GABRB3: variants seen among roughly 807,000 people sequenced by gnomAD.
GABRB3 encodes gamma-aminobutyric acid receptor subunit beta-3.
Under a neutral mutation model 52.1 loss-of-function variants are expected in GABRB3, and 14 were observed. The ratio of observed to expected loss-of-function variants is 0.27; its 90% confidence interval spans 0.18 to 0.42. The LOEUF (loss-of-function observed/expected upper bound fraction) is 0.42. Among genes scored for constraint, GABRB3 ranks in the 10% least tolerant of loss-of-function variants. The pLI is 1.00. For missense variants in GABRB3, 307 were observed against 609.1 expected (o/e 0.50, Z 5.22); for synonymous variants, 260 against 232.3 (o/e 1.12, Z -1.08).
chr15:26,739,973 G>A lies in GABRB3; in HGVS notation c.240+32429C>T, dbSNP rs147052051. Among the ~76,000 whole-genome samples the A allele has an allele frequency of 3.9e-4, 60 of 152,256 alleles. 2 individuals carry two copies. The East Asian group carries it at 0.01, about 27-fold the overall frequency. On this transcript the variant is annotated intron_variant, in intron 3 of 8. Coordinates refer to ENST00000311550, the MANE Select transcript of GABRB3 (RefSeq NM_000814.6). ...AACAGAGACCTTTCCACTTCCTGCC[G>A]TGACACCTGCACGAGCCGCTCATTT...
chr15:26,726,343 A>G (rs1184578498), intron 3 of GABRB3, among the ~76,000 whole-genome samples: 1 of 152,226 alleles, frequency 6.6e-6, no homozygotes, highest in African/African-American at 2.4e-5. Flanking sequence ...AACATCTTAC[A>G]TAACTGCAGT....
At chr15:26,742,283 C>T (rs1890227754) in intron 3 of GABRB3, among the ~76,000 whole-genome samples, 1 of 151,758 alleles carries the variant, frequency 6.6e-6, no homozygotes, top group African/African-American at 2.4e-5. Context: ...TTTTACTGCA[C>T]TGGATCTTTA....
chr15:26,711,175 G>A (rs963824369), intron 3 of GABRB3, among the ~76,000 whole-genome samples: 4 of 152,168 alleles, frequency 2.6e-5, no homozygotes, highest in Non-Finnish European at 4.4e-5. Flanking sequence ...ATATTAATGA[G>A]GAAAGGCCAG....
intron 3 of GABRB3, among the ~76,000 whole-genome samples, chr15:26,715,847 T>C: frequency 6.6e-6 from 1 of 152,204 alleles, no homozygotes; most frequent in Admixed American, 6.5e-5. Context: ...ATGGGCCTTC[T>C]TTATTGCAAC....
intron 4 of GABRB3, among the ~76,000 whole-genome samples, chr15:26,606,478 A>G (rs959088694): frequency 2.0e-5 from 3 of 152,152 alleles, no homozygotes; most frequent in Middle Eastern, 3.2e-3. Flanking sequence ...TATTCTCAAC[A>G]TATTAGGAAT....
At chr15:26,773,211 C>A (rs1891208788), upstream of GABRB3, 1 of 177,692 alleles carries the variant, frequency 5.6e-6, no homozygotes, top group Non-Finnish European at 1.1e-5. Flanking sequence ...GCCGCCGCGC[C>A]GCGCACCCTG....
intron 3 of GABRB3, among the ~76,000 whole-genome samples, chr15:26,662,567 T>A (rs1887583747): frequency 6.6e-6 from 1 of 152,210 alleles, no homozygotes; most frequent in African/African-American, 2.4e-5. Flanking sequence ...TGCAGCTCCA[T>A]GCCACGGTGC....
chr15:26,744,588 G>A (rs919121227), intron 3 of GABRB3, among the ~76,000 whole-genome samples: 34 of 152,122 alleles, frequency 2.2e-4, no homozygotes, highest in African/African-American at 7.5e-4. Flanking sequence ...ACCATGCCTG[G>A]CTAATTTTTG....
chr15:26,700,192 G>C (rs906608306), intron 3 of GABRB3, among the ~76,000 whole-genome samples: 1 of 152,086 alleles, frequency 6.6e-6, no homozygotes, highest in African/African-American at 2.4e-5. Flanking sequence ...ATGTCAAAAA[G>C]AAAACTAAGG....
chr15:26,742,991 A>G (rs889485247), intron 3 of GABRB3, among the ~76,000 whole-genome samples: 1 of 118,606 alleles, frequency 8.4e-6, no homozygotes, highest in Non-Finnish European at 1.6e-5. Flanking sequence ...GTGCAGTTGT[A>G]GGATCTCAGC....
rs1892490858 is a variant in GABRB3, at chr15:26,621,686, C to T, written c.241-152G>A. On this transcript the variant is annotated intron_variant, in intron 3 of 8. Transcript: ENST00000311550. This position sits in a 1 kb window ranked among gnomAD's most constrained non-coding sequence, Gnocchi z 4.1. ...TTTTATGCAGAATGGGAAGCAATGG[C>T]TGCTTTCTTGTGAATGCAAATACCA... is the stretch of plus-strand genomic sequence containing the variant. 3 of 653,564 alleles carry T rather than the reference C, an allele frequency of 4.6e-6. No individual in the cohort carries two copies. The highest frequency in any genetic ancestry group is 2.5e-5 in the Admixed American group (1 of 39,822). The allele number at this position is 653,564 out of a possible 1,614,324, so 40.5% of individuals were successfully genotyped here.
intron 8 of GABRB3, among the ~76,000 whole-genome samples, chr15:26,548,357 T>G (rs1279816143): frequency 6.6e-6 from 1 of 152,150 alleles, no homozygotes; most frequent in South Asian, 2.1e-4. Context: ...TGTAAGAGAT[T>G]AGATGAAATA....
Position 26,572,290 on chromosome 15 carries a change from T to C in GABRB3, c.683-4557A>G, listed in dbSNP as rs148947908. Among the ~76,000 whole-genome samples the C allele has an allele frequency of 1.9e-3, 289 of 152,288 alleles. 7 individuals carry two copies. The East Asian group carries it at 0.038, about 20-fold the overall frequency. ...GTGCACTATCCTGGAGGTATAAAAA[T>C]ATGCTAGGGCACACGCCTAAGTGAT... On this transcript the variant is annotated intron_variant, in intron 6 of 8. Coordinates refer to ENST00000311550, the MANE Select transcript of GABRB3 (RefSeq NM_000814.6).
chr15:26,772,758 C>T lies in GABRB3; in HGVS notation c.95G>A (p.Gly32Glu), dbSNP rs1891187935. The T allele has an allele frequency of 6.4e-7, 1 of 1,562,348 alleles. No homozygotes were observed. Among genetic ancestry groups the T allele is most frequent in the Non-Finnish European group, 8.7e-7 (1 of 1,153,378 alleles). ...CGTCTCCTTCACAAAGGACATGTTC[C>T]CGGGATCGTTCACACTGGGGGAGGG... ...VCCAQSVNDP[G>E]NMSFVKETVD... is the part of the protein sequence containing the mutation. Residue 32 changes from glycine to glutamate, a missense_variant, in exon 2 of 9, where the codon GGG becomes GAG. By Grantham distance (98) the Gly-to-Glu change is moderately conservative. Around this residue, in one of 6 missense-constraint regions of GABRB3, gnomAD observed 90 missense variants for 86.4 expected, o/e 1.04. Transcript: ENST00000311550.
chr15:26,589,734 C>T lies in GABRB3; in HGVS notation c.462-6320G>A, dbSNP rs1222740247. Among the ~76,000 whole-genome samples, 5 of 152,178 alleles carry T rather than the reference C, an allele frequency of 3.3e-5. No homozygotes were observed. The East Asian group carries it at 9.6e-4, about 29-fold the overall frequency. On this transcript the variant is annotated intron_variant, in intron 4 of 8. Coordinates refer to ENST00000311550, the MANE Select transcript of GABRB3 (RefSeq NM_000814.6). Reference sequence around the variant, plus strand: ...CCCAGGTGAGCCCACAAGAGCAGGACTTTATTGCTCCTGTCCACGGTTCTC... The same window carrying T: ...CCCAGGTGAGCCCACAAGAGCAGGATTTTATTGCTCCTGTCCACGGTTCTC...
intron 3 of GABRB3, among the ~76,000 whole-genome samples, chr15:26,715,719 T>C (rs1187800965): frequency 6.6e-6 from 1 of 152,242 alleles, no homozygotes; most frequent in Non-Finnish European, 1.5e-5. Flanking sequence ...TGATATTTAA[T>C]ATACTAATGA....
At chr15:26,691,543 C>A (rs991520817) in intron 3 of GABRB3, among the ~76,000 whole-genome samples, 14 of 152,026 alleles carry the variant, frequency 9.2e-5, no homozygotes, top group African/African-American at 3.1e-4. Context: ...AAGCGAATGA[C>A]CCATGGCGAA....
chr15:26,721,162 G>C (rs1390903643), intron 3 of GABRB3, among the ~76,000 whole-genome samples: 1 of 152,168 alleles, frequency 6.6e-6, no homozygotes, highest in Admixed American at 6.5e-5. Flanking sequence ...TAGGGACAGA[G>C]AAGCTGAACC....
intron 6 of GABRB3, among the ~76,000 whole-genome samples, chr15:26,572,196 C>T (rs1567118157): frequency 1.3e-5 from 2 of 152,190 alleles, no homozygotes; most frequent in African/African-American, 2.4e-5. Context: ...GTTTACCTTC[C>T]CAACTATTTA....
Sources: gnomAD v4.1 joint callset for allele counts (sites outside exome capture counted in the v4.1 genomes callset) on GRCh38, gnomAD v4.1.1 for gene constraint, gnomAD v4.1.1 regional missense constraint, Gnocchi (gnomAD v3.1) non-coding constraint, MANE v1.5 for transcripts, NCBI Gene and HGNC (gene_info 2026-07-23, HGNC 2026-07-21) for gene names.